The following SRGAP3 variants were observed in gnomAD, a reference collection of about 807,000 sequenced individuals.
The protein encoded by SRGAP3 is SLIT-ROBO Rho GTPase-activating protein 3.
SRGAP3 carries 39 observed loss-of-function variants against 121.1 expected under a neutral mutation model. The ratio of observed to expected loss-of-function variants is 0.32; its 90% CI spans 0.25 to 0.42. The LOEUF is 0.42. SRGAP3 is among the 10% of genes least tolerant of loss of function. The pLI is 1.00. For synonymous variants in SRGAP3, 601 were observed against 570.0 expected (o/e 1.05, Z -0.77); for missense variants, 1,213 against 1,470.6 (o/e 0.82, Z 2.86).
intron 17 of SRGAP3, among the ~76,000 whole-genome samples, chr3:9,012,076 T>C (rs1179829919): frequency 6.6e-6 from 1 of 152,238 alleles, no homozygotes; most frequent in Non-Finnish European, 1.5e-5. Flanking sequence ...AGAACAGGGA[T>C]GGACTTGCTC....
intron 3 of SRGAP3, among the ~76,000 whole-genome samples, chr3:9,322,707 C>CCACCGTCCA (rs1955457507): frequency 6.6e-6 from 1 of 151,790 alleles, no homozygotes; most frequent in Non-Finnish European, 1.5e-5. Context: ...CCATCACCCC[C>CCACCGTCCA]CACCGTCCAT....
rs1322558522 is a variant in SRGAP3 at position 9,068,014 on chromosome 3, AC to A, written c.487-3434del. Among the ~76,000 whole-genome samples the A allele has an allele frequency of 2.0e-5, 3 of 152,202 alleles. No homozygotes were observed. The East Asian group carries it at 5.8e-4, about 30-fold the overall frequency. ...CTGCTGCGGCTGTCTCCAGGACCCC[AC>A]CTTCCCCCTTCTCGACATGTCCCTC... On this transcript the variant is annotated intron_variant, in intron 4 of 21. Coordinates refer to ENST00000383836, the MANE Select transcript of SRGAP3 (RefSeq NM_014850.4).
intron 2 of SRGAP3, among the ~76,000 whole-genome samples, chr3:9,116,618 T>G (rs1163218631): frequency 6.6e-6 from 1 of 150,688 alleles, no homozygotes; most frequent in African/African-American, 2.4e-5. Context: ...TGTGTAGGAG[T>G]TGACCAGGAG....
intron 6 of SRGAP3, chr3:9,059,906 G>C (rs990286659): frequency 2.1e-5 from 8 of 390,098 alleles, no homozygotes; most frequent in Admixed American, 1.1e-4. Context: ...ACTGTGTATG[G>C]TTCCCCCCTG....
rs148064188 is a variant in SRGAP3, at chr3:9,201,898, T to C, written c.67+46987A>G. Among the ~76,000 whole-genome samples the C allele has an allele frequency of 3.5e-3, 527 of 152,360 alleles. 2 individuals are homozygous for C. Among genetic ancestry groups the C allele is most frequent in the African/African-American group, 0.012 (491 of 41,580 alleles). On this transcript the variant is annotated intron_variant, in intron 1 of 21. Coordinates refer to ENST00000383836, the MANE Select transcript of SRGAP3 (RefSeq NM_014850.4). ...TGCATTTTCAGATCCATGTATCTCA[T>C]TGAATCCTTACAACAACTCTGTGCG... is the stretch of plus-strand genomic sequence containing the variant.
In SRGAP3 at chr3:9,058,386, G is replaced by A. The variant is rs748814269; in HGVS notation, c.888C>T (p.His296=). ...CATTCTCAATGACATCCAGCCCTTC[G>A]TGGCGAGAGGTCTCCAGGTTGTATT... The part of the protein sequence containing the change: ...SAEYNLETSR[H]EGLDVIENAV... Residue 296 remains histidine (H), a synonymous_variant, in exon 7 of 22, where the codon CAC becomes CAT. Transcript: ENST00000383836. 44 of 1,614,080 alleles carry A rather than the reference G, an allele frequency of 2.7e-5. No homozygotes were observed. Among genetic ancestry groups the A allele is most frequent in the Middle Eastern group, 1.6e-4 (1 of 6,082 alleles).
At chr3:9,034,856 G>C (rs1423308571) in intron 11 of SRGAP3, 1 of 152,158 alleles carries the variant, frequency 6.6e-6, no homozygotes, top group Non-Finnish European at 1.5e-5. Flanking sequence ...TAAGTTTGGG[G>C]ATTAGAAATA....
chr3:9,250,711 A>C (rs1574941662), upstream of SRGAP3, among the ~76,000 whole-genome samples: 1 of 152,160 alleles, frequency 6.6e-6, no homozygotes, highest in African/African-American at 2.4e-5. Flanking sequence ...ACATAGGTAT[A>C]AGCACCACTC....
intron 3 of SRGAP3, among the ~76,000 whole-genome samples, chr3:9,258,789 G>C (rs933400849): frequency 7.9e-5 from 12 of 152,138 alleles, no homozygotes; most frequent in Non-Finnish European, 1.5e-5. Flanking sequence ...GTGATCCCAA[G>C]GCCTCAATTT....
At chr3:9,144,492 T>A (rs1463429983) in intron 1 of SRGAP3, among the ~76,000 whole-genome samples, 1 of 152,220 alleles carries the variant, frequency 6.6e-6, no homozygotes, top group Admixed American at 6.5e-5. Flanking sequence ...CAACTTAGAT[T>A]GTATCTCCCA....
At chr3:9,343,092 A>T (rs1955822322) in intron 1 of SRGAP3, among the ~76,000 whole-genome samples, 1 of 152,180 alleles carries the variant, frequency 6.6e-6, no homozygotes, top group Non-Finnish European at 1.5e-5. Context: ...ACACATGCAA[A>T]ATTAAATTTA....
chr3:9,180,970 ACAG>A (rs1951376770), intron 1 of SRGAP3, among the ~76,000 whole-genome samples: 1 of 152,250 alleles, frequency 6.6e-6, no homozygotes. Context: ...TGTTCAGACA[ACAG>A]ATGTCTGGAG....
chr3:9,049,357 A>C (rs978948285), intron 9 of SRGAP3: 10 of 455,786 alleles, frequency 2.2e-5, no homozygotes, highest in African/African-American at 1.8e-4. Flanking sequence ...CCTATTGGCC[A>C]TTAAGAGTCA....
At chr3:9,099,252 GCC>G (rs1158998062) in intron 3 of SRGAP3, among the ~76,000 whole-genome samples, 1 of 152,102 alleles carries the variant, frequency 6.6e-6, no homozygotes, top group African/African-American at 2.4e-5. Flanking sequence ...TCAAACACAA[GCC>G]CCCCACATGG....
intron 10 of SRGAP3, among the ~76,000 whole-genome samples, chr3:9,040,759 A>G (rs911710448): frequency 6.6e-6 from 1 of 152,088 alleles, no homozygotes; most frequent in South Asian, 2.1e-4. Flanking sequence ...AGGTCTTACT[A>G]TGTTGCCCAG....
intron 2 of SRGAP3, among the ~76,000 whole-genome samples, chr3:9,105,793 T>A (rs1234540263): frequency 6.6e-6 from 1 of 152,176 alleles, no homozygotes; most frequent in Non-Finnish European, 1.5e-5. Context: ...CAGGGCTACA[T>A]CCCAATAAAC....
chr3:9,111,628 G>A (rs1361732449), intron 2 of SRGAP3, among the ~76,000 whole-genome samples: 1 of 152,174 alleles, frequency 6.6e-6, no homozygotes, highest in African/African-American at 2.4e-5. Context: ...AGACCGCAGA[G>A]CCAGACGCCA....
chr3:9,257,119 C>G (rs1022011534), intron 3 of SRGAP3: 6 of 352,446 alleles, frequency 1.7e-5, no homozygotes, highest in African/African-American at 1.3e-4. Context: ...CTATGAAAGC[C>G]CAACACAAAA....
chr3:9,336,035 G>A (rs1265748842), intron 1 of SRGAP3, among the ~76,000 whole-genome samples: 1 of 150,830 alleles, frequency 6.6e-6, no homozygotes, highest in Non-Finnish European at 1.5e-5. Flanking sequence ...AGAACATTAG[G>A]AAATAAACTC....
Sources: allele counts gnomAD v4.1 joint callset (sites outside exome capture counted in the v4.1 genomes callset), GRCh38; gene constraint gnomAD v4.1.1; transcripts MANE v1.5; gene names NCBI Gene and HGNC (gene_info 2026-07-23, HGNC 2026-07-21).